The following WNT5B variants were observed in gnomAD, a reference collection of about 807,000 sequenced individuals.
WNT5B encodes protein Wnt-5b.
In WNT5B, 18 loss-of-function variants were observed where a neutral mutation model predicts 36.5. The observed-to-expected ratio is 0.49, with a 90% confidence interval of 0.34 to 0.73. The LOEUF (loss-of-function observed/expected upper bound fraction) is 0.73, where lower values mean the gene tolerates loss of function less well. Among genes scored for constraint, WNT5B ranks in the 30% least tolerant of loss-of-function variants. The pLI is 0.01. For synonymous variants in WNT5B, 213 were observed against 212.3 expected, an observed-to-expected ratio of 1.00 and a Z score of -0.03; for missense variants, 424 against 508.4, an observed-to-expected ratio of 0.83 and a Z score of 1.60.
rs1358136394 is a variant in WNT5B at position 1,644,534 on chromosome 12, C to T, written c.622-1260C>T. Among the ~76,000 whole-genome samples, 2 of 152,222 alleles carry T rather than the reference C, an allele frequency of 1.3e-5. No homozygotes were observed. Among genetic ancestry groups the T allele is most frequent in the African/African-American group, 4.8e-5 (2 of 41,464 alleles). On this transcript the variant is annotated intron_variant, in intron 4 of 4. Coordinates refer to ENST00000397196, the MANE Select transcript of WNT5B (RefSeq NM_032642.3). This position sits in a 1 kb window ranked among gnomAD's most constrained non-coding sequence, Gnocchi z 5.1. ...GATGATGGCTGTGCTGTCTCTTGCA[C>T]CTGCAGTGGTCTCTGCTTAGCTCTG...
rs1444989020 is a variant in WNT5B at position 1,639,371 on chromosome 12, C to T, written c.329-313C>T. ...GCCAGGCTGGTCTCGATCTCCTGAC[C>T]TCGTGGTCCGCCCGCCCCGGCCTCC... On this transcript the variant is annotated intron_variant, in intron 3 of 4. Transcript: ENST00000397196. Among the ~76,000 whole-genome samples the T allele has an allele frequency of 5.9e-5, 9 of 152,324 alleles. No individual in the cohort carries two copies. In the East Asian group the frequency reaches 1.5e-3, roughly 26 times the overall value.
At chr12:1,640,055 G>A in intron 4 of WNT5B, 79 bp downstream of exon 4, 1 of 1,489,340 alleles carries the variant, frequency 6.7e-7, no homozygotes, top group Non-Finnish European at 8.9e-7. Context: ...GCCGTGGCCT[G>A]GCCTTCAAGG....
rs2094587116 is a variant in WNT5B, at chr12:1,647,045, C to G, written c.*793C>G. The G allele has an allele frequency of 6.6e-6, 1 of 152,308 alleles. No homozygotes were observed. Among genetic ancestry groups the G allele is most frequent in the African/African-American group, 2.4e-5 (1 of 41,458 alleles). 9.4% of individuals were successfully genotyped at this position (152,308 alleles called of 1,614,324 possible). ...GGCTGCGTGGACGTTATACTGTCTT[C>G]CCCCACCCCCGGGGAGGGGAAGCTT... On this transcript the variant is annotated 3_prime_UTR_variant, in exon 5 of 5. Transcript: ENST00000397196.
chr12:1,645,998 G>GA lies in WNT5B; in HGVS notation c.827dup (p.Asp277GlyfsTer39). The GA allele has an allele frequency of 6.2e-7, 1 of 1,611,968 alleles. No homozygotes were observed. Among genetic ancestry groups the GA allele is most frequent in the Non-Finnish European group, 8.5e-7 (1 of 1,179,900 alleles). ...CAGCCGCTTCACCCAGCCCACCCCG[G>GA]AGGACCTGGTCTATGTGGACCCCAG... On this transcript the variant is annotated frameshift_variant, in exon 5 of 5. Transcript: ENST00000397196. LOFTEE classifies it high-confidence loss of function.
chr12:1,631,704 G>A (rs2094551225), intron 2 of WNT5B, among the ~76,000 whole-genome samples: 1 of 152,070 alleles, frequency 6.6e-6, no homozygotes, highest in South Asian at 2.1e-4. Flanking sequence ...TCATGCCCAT[G>A]AATTGTTAGA....
chr12:1,623,370 T>A (rs981831193), intron 1 of WNT5B, among the ~76,000 whole-genome samples: 1 of 151,110 alleles, frequency 6.6e-6, no homozygotes, highest in Non-Finnish European at 1.5e-5. Context: ...TAATTTTTTG[T>A]ATTTTTAGTA....
intron 1 of WNT5B, among the ~76,000 whole-genome samples, chr12:1,623,551 G>A (rs1377385731): frequency 6.6e-6 from 1 of 152,056 alleles, no homozygotes; most frequent in African/African-American, 2.4e-5. Context: ...TTTGAACAGA[G>A]CTCCTCGATC....
Position 1,645,497 on chromosome 12 carries a change from C to T in WNT5B, c.622-297C>T, listed in dbSNP as rs1208101774. On this transcript the variant is annotated intron_variant, in intron 4 of 4. Transcript: ENST00000397196. ...TGTGAAAAGGATGCATTGATTGTAA[C>T]AGGTTTTGAGGAATGAGAAACCAGT... Among the ~76,000 whole-genome samples the T allele has an allele frequency of 2.0e-5, 3 of 152,210 alleles. No individual in the cohort carries two copies. In the South Asian group the frequency reaches 6.2e-4, roughly 31 times the overall value.
At position 1,639,783 on chromosome 12, in the gene WNT5B, GCAGCC is replaced by G; in HGVS notation, c.429_433del (p.Cys143TrpfsTer67). On this transcript the variant is annotated frameshift_variant, in exon 4 of 5. Transcript: ENST00000397196. LOFTEE classifies it high-confidence loss of function. Reference sequence around the variant, plus strand: ...GAGGGCGAGCTCTCCACCTGCGGCTGCAGCCGGACGGCGCGGCCCAAGGACCTGCC... The same window carrying G: ...GAGGGCGAGCTCTCCACCTGCGGCTGGGACGGCGCGGCCCAAGGACCTGCC... 6.2e-7 allele frequency: 1 copy of G among 1,610,488 alleles called. No individual in the cohort carries two copies. The highest frequency in any genetic ancestry group is 8.5e-7 in the Non-Finnish European group (1 of 1,178,444).
rs2094585259 is a variant in WNT5B at position 1,646,135 on chromosome 12, T to C, written c.963T>C (p.Arg321=). Residue 321 remains arginine (R), a synonymous_variant, in exon 5 of 5, where the codon CGT becomes CGC. Coordinates refer to ENST00000397196, the MANE Select transcript of WNT5B (RefSeq NM_032642.3). ...GCTGTGAGCTCATGTGCTGCGGGCGTGGCTACAACCAGTTCAAGAGCGTGC... is the reference window on the plus strand; with the variant it reads ...GCTGTGAGCTCATGTGCTGCGGGCGCGGCTACAACCAGTTCAAGAGCGTGC... ...MDGCELMCCG[R]GYNQFKSVQV... The C allele has an allele frequency of 6.2e-7, 1 of 1,613,922 alleles. No individual in the cohort carries two copies. Among genetic ancestry groups the C allele is most frequent in the Non-Finnish European group, 8.5e-7 (1 of 1,180,036 alleles).
At chr12:1,643,558 G>A (rs2154439873) in intron 4 of WNT5B, among the ~76,000 whole-genome samples, 1 of 152,052 alleles carries the variant, frequency 6.6e-6, no homozygotes, top group African/African-American at 2.4e-5. Flanking sequence ...TAGAGACGGG[G>A]TTTCTCCATG....
At chr12:1,643,555 G>A (rs921591775) in intron 4 of WNT5B, among the ~76,000 whole-genome samples, 1 of 151,992 alleles carries the variant, frequency 6.6e-6, no homozygotes, top group Non-Finnish European at 1.5e-5. Context: ...TAGTAGAGAC[G>A]GGGTTTCTCC....
At chr12:1,621,134 G>A (rs184806295) in intron 1 of WNT5B, among the ~76,000 whole-genome samples, 12 of 150,986 alleles carry the variant, frequency 7.9e-5, no homozygotes, top group Non-Finnish European at 1.8e-4. Flanking sequence ...GTAGCTCATA[G>A]TATGACAATA....
Position 1,645,993 on chromosome 12 carries a change from C to G in WNT5B, c.821C>G (p.Thr274Ser), listed in dbSNP as rs2094584801. 1 of 1,611,652 alleles carries G rather than the reference C, an allele frequency of 6.2e-7. No homozygotes were observed. Among genetic ancestry groups the G allele is most frequent in the Non-Finnish European group, 8.5e-7 (1 of 1,179,886 alleles). ...ELVNSRFTQP[T>S]PEDLVYVDPS... ...GTCAACAGCCGCTTCACCCAGCCCA[C>G]CCCGGAGGACCTGGTCTATGTGGAC... The change falls in exon 5 of 5, where the codon ACC becomes AGC. Residue 274 changes from threonine to serine, a missense_variant. By Grantham distance (58) the Thr-to-Ser change is moderately conservative (BLOSUM62 1). Transcript: ENST00000397196.
chr12:1,641,723 G>A (rs2094575703), intron 4 of WNT5B, among the ~76,000 whole-genome samples: 3 of 151,936 alleles, frequency 2.0e-5, no homozygotes, highest in Admixed American at 6.6e-5. Context: ...AGAATTGCTT[G>A]AGCCAGAGGT....
At position 1,639,697 on chromosome 12, in the gene WNT5B, C is replaced by A. The variant is rs778345344; in HGVS notation, c.342C>A (p.Thr114=). Residue 114 remains threonine (T), a synonymous_variant, in exon 4 of 5, where the codon ACC becomes ACA. Transcript: ENST00000397196. The part of the protein sequence containing the change: ...GRVMQIGSRE[T]AFTHAVSAAG... ...CTCATTCTGCAGGCAGCCGAGAGACCGCCTTCACCCACGCGGTGAGCGCCG... is the reference window on the plus strand; with the variant it reads ...CTCATTCTGCAGGCAGCCGAGAGACAGCCTTCACCCACGCGGTGAGCGCCG... 1.9e-6 allele frequency: 3 copies of A among 1,566,610 alleles called. No individual in the cohort carries two copies. Among genetic ancestry groups the A allele is most frequent in the African/African-American group, 2.7e-5 (2 of 72,988 alleles).
upstream of WNT5B, among the ~76,000 whole-genome samples, chr12:1,628,148 C>A (rs953465288): frequency 6.9e-6 from 1 of 145,620 alleles, no homozygotes; most frequent in Non-Finnish European, 1.5e-5. Flanking sequence ...AGAATAGAGA[C>A]CCTGACTCCC....
intron 4 of WNT5B, among the ~76,000 whole-genome samples, chr12:1,643,593 C>T (rs369218676): frequency 2.0e-5 from 3 of 151,512 alleles, no homozygotes; most frequent in Middle Eastern, 3.4e-3. Flanking sequence ...CTTGAACTCC[C>T]GACCTCAGGT....
chr12:1,640,636 G>C (rs2094573258), intron 4 of WNT5B, among the ~76,000 whole-genome samples: 1 of 152,208 alleles, frequency 6.6e-6, no homozygotes, highest in Non-Finnish European at 1.5e-5. Context: ...GGGGAGCTGG[G>C]TTCATTGTAT....
Sources: gnomAD v4.1 joint callset for allele counts (sites outside exome capture counted in the v4.1 genomes callset) on GRCh38, gnomAD v4.1.1 for gene constraint, Gnocchi (gnomAD v3.1) non-coding constraint, MANE v1.5 for transcripts, NCBI Gene and HGNC (gene_info 2026-07-23, HGNC 2026-07-21) for gene names.